Variants in IFRD2 observed in about 807,000 individuals in gnomAD.
IFRD2 encodes interferon related developmental regulator 2.
Under a neutral mutation model 49.2 loss-of-function variants are expected in IFRD2, and 35 were observed. That is an observed-to-expected ratio of 0.71 (90% CI 0.54 to 0.94). The LOEUF is 0.94. Ranked by LOEUF, IFRD2 falls within the 40% of genes least tolerant of loss-of-function variation. The pLI is 0.00. For synonymous variants in IFRD2, 275 were observed against 239.7 expected, an observed-to-expected ratio of 1.15 and a Z score of -1.36; for missense variants, 561 against 591.6, an observed-to-expected ratio of 0.95 and a Z score of 0.54.
intron 8 of IFRD2, 133 bp from the exon 9 acceptor site, chr3:50,289,070 CCT>C: frequency 7.4e-7 from 1 of 1,342,622 alleles, no homozygotes; most frequent in Non-Finnish European, 1.0e-6. Flanking sequence ...CCCTCCTTGG[CCT>C]CTGTCAGGCC....
rs1553709287 is a variant in IFRD2 at position 50,289,457 on chromosome 3, T to A, written c.769A>T (p.Ile257Phe). 6.3e-7 allele frequency: 1 copy of A among 1,579,258 alleles called. No individual in the cohort carries two copies. Among genetic ancestry groups the A allele is most frequent in the Non-Finnish European group, 8.6e-7 (1 of 1,162,422 alleles). ...GACAGCCACCCCTACCTGTCAAGGA[T>A]GTGGCTGATTTGGGTGCTAGGGCAG... ...TICPSTQISH[I>F]LDRQLPRLPQ... The change falls in exon 7 of 12, where the codon ATC becomes TTC. Residue 257 changes from isoleucine to phenylalanine, a missense_variant. Transcript: ENST00000417626.
chr3:50,291,828 G>GC (rs1701679920), intron 1 of IFRD2: 1 of 205,006 alleles, frequency 4.9e-6, no homozygotes, highest in South Asian at 1.3e-4. Flanking sequence ...TCCCAACAGA[G>GC]CCCCCTCCCT....
Position 50,290,474 on chromosome 3 carries a change from T to A in IFRD2, c.179-2A>T. On this transcript the variant is annotated splice_acceptor_variant, in intron 2 of 11. Transcript: ENST00000417626. LOFTEE classifies it high-confidence loss of function. ...CCTGCTCATCCACGACATCCCCCCCTGCAAGGCCACCTGGTCAGCACCGCT... is the reference window on the plus strand; with the variant it reads ...CCTGCTCATCCACGACATCCCCCCCAGCAAGGCCACCTGGTCAGCACCGCT... 1 of 1,579,652 alleles carries A rather than the reference T, an allele frequency of 6.3e-7. No homozygotes were observed. Among genetic ancestry groups the A allele is most frequent in the Non-Finnish European group, 8.6e-7 (1 of 1,161,672 alleles).
Position 50,289,909 on chromosome 3 carries a change from T to TG in IFRD2, c.546+19dup. 3.1e-6 allele frequency: 5 copies of TG among 1,612,172 alleles called. No individual in the cohort carries two copies. Among genetic ancestry groups the TG allele is most frequent in the Non-Finnish European group, 4.2e-6 (5 of 1,178,990 alleles). On this transcript the variant is annotated intron_variant, in intron 5 of 11. Coordinates refer to ENST00000417626, the MANE Select transcript of IFRD2 (RefSeq NM_006764.5). ...GGGATAAGGTGCAGGAAGGGTTTCA[T>TG]GGGGCACAGGCACACTCACGTGGAG...
rs782370407 is a variant in IFRD2, at chr3:50,288,869, G to C, written c.954C>G (p.Asn318Lys). The C allele has an allele frequency of 1.2e-6, 2 of 1,613,590 alleles. No homozygotes were observed. The highest frequency in any genetic ancestry group is 2.2e-5 in the South Asian group (2 of 90,980). ...SVLRTLATDS[N>K]KYRAKADRRR... ...GACGATCAGCCTTGGCACGGTACTTGTTACTGTCAGTGGCCAGAGTGCGCA... is the reference window on the plus strand; with the variant it reads ...GACGATCAGCCTTGGCACGGTACTTCTTACTGTCAGTGGCCAGAGTGCGCA... Residue 318 changes from asparagine to lysine, a missense_variant, in exon 9 of 12, where the codon AAC (asparagine) becomes AAG (lysine). Transcript: ENST00000417626.
At position 50,288,098 on chromosome 3, in the gene IFRD2, T is replaced by TGAC. The variant is rs1701590908; in HGVS notation, c.*90_*92dup. The TGAC allele has an allele frequency of 8.7e-7, 1 of 1,156,064 alleles. No homozygotes were observed. The highest frequency in any genetic ancestry group is 1.3e-6 in the Non-Finnish European group (1 of 793,832). The allele number at this position is 1,156,064 out of a possible 1,614,324, so 71.6% of individuals were successfully genotyped here. On this transcript the variant is annotated 3_prime_UTR_variant, in exon 12 of 12. Transcript: ENST00000417626. ...GGTTTTGTCATTAAAAAAAATAAAG[T>TGAC]GACAAATACTGGTGGAGACCAGTTG...
At chr3:50,289,405 C>T in intron 7 of IFRD2, 42 bp downstream of exon 7, 2 of 1,569,116 alleles carry the variant, frequency 1.3e-6, no homozygotes, top group Non-Finnish European at 1.7e-6. Flanking sequence ...TTGGGGGCCT[C>T]TTTGAGATCC....
Position 50,288,612 on chromosome 3 carries a change from G to A in IFRD2, c.1123C>T (p.Leu375=), listed in dbSNP as rs782263559. The change falls in exon 10 of 12, where the codon CTG becomes TTG. Residue 375 remains leucine (L), a synonymous_variant. Coordinates refer to ENST00000417626, the MANE Select transcript of IFRD2 (RefSeq NM_006764.5). ...HRIYAAFKEV[L]GSGMHHHLQN... ...AGGTGGTGGTGCATGCCCGAACCCAGCACTTCCTTGAAGGCAGCGTAGATC... is the reference window on the plus strand; with the variant it reads ...AGGTGGTGGTGCATGCCCGAACCCAACACTTCCTTGAAGGCAGCGTAGATC... 2.5e-6 allele frequency: 4 copies of A among 1,613,816 alleles called. No homozygotes were observed. In the African/African-American group the frequency reaches 5.3e-5, roughly 22 times the overall value.
At position 50,287,867 on chromosome 3, in the gene IFRD2, A is replaced by C. The variant is rs1701586686; in HGVS notation, c.*324T>G. 5.8e-6 allele frequency: 2 copies of C among 344,756 alleles called. No homozygotes were observed. Among genetic ancestry groups the C allele is most frequent in the Non-Finnish European group, 1.1e-5 (2 of 183,054 alleles). The allele number at this position is 344,756 out of a possible 1,614,324, so 21.4% of individuals were successfully genotyped here. A position where few individuals can be genotyped will look rare whatever the true frequency, so the allele number is the denominator to read the frequency against. Reference sequence around the variant, plus strand: ...TTTGTCCAGATGCCACCACCCCCCTAAGAGTGGGTCATCCTGGGGGAGCAA... The same window carrying C: ...TTTGTCCAGATGCCACCACCCCCCTCAGAGTGGGTCATCCTGGGGGAGCAA... On this transcript the variant is annotated 3_prime_UTR_variant, in exon 12 of 12. Transcript: ENST00000417626.
chr3:50,288,660 T>G lies in IFRD2; in HGVS notation c.1075A>C (p.Met359Leu). Residue 359 changes from methionine to leucine, a missense_variant, in exon 10 of 12, where the codon ATG (methionine) becomes CTG (leucine). Met to Leu is a conservative substitution (Grantham distance 15). Transcript: ENST00000417626. ...ATCCGGTGCCGAGCCCAGCTGTCCATGTAGAGCACCTCAAAGCCGAAGCGC... is the reference window on the plus strand; with the variant it reads ...ATCCGGTGCCGAGCCCAGCTGTCCAGGTAGAGCACCTCAAAGCCGAAGCGC... ...IVRFGFEVLY[M>L]DSWARHRIYA... is the part of the protein sequence containing the mutation. 1.2e-6 allele frequency: 2 copies of G among 1,613,220 alleles called. No individual in the cohort carries two copies. The highest frequency in any genetic ancestry group is 1.1e-5 in the South Asian group (1 of 91,056).
Position 50,288,161 on chromosome 3 carries a change from T to A in IFRD2, c.*30A>T. 2 of 1,578,768 alleles carry A rather than the reference T, an allele frequency of 1.3e-6. No individual in the cohort carries two copies. Among genetic ancestry groups the A allele is most frequent in the Non-Finnish European group, 1.7e-6 (2 of 1,149,632 alleles). Reference sequence around the variant, plus strand: ...CTGTTAAAAATACGGACCAAGGGCATAGAAAGTCTCCTCTTCAGCAGGTCC... The same window carrying A: ...CTGTTAAAAATACGGACCAAGGGCAAAGAAAGTCTCCTCTTCAGCAGGTCC... On this transcript the variant is annotated 3_prime_UTR_variant, in exon 12 of 12. Coordinates refer to ENST00000417626, the MANE Select transcript of IFRD2 (RefSeq NM_006764.5).
intron 1 of IFRD2, among the ~76,000 whole-genome samples, chr3:50,291,366 C>T (rs187826966): frequency 6.6e-6 from 1 of 152,136 alleles, no homozygotes; most frequent in African/African-American, 2.4e-5. Context: ...TTCCCTCATT[C>T]ACTCCACTGC....
chr3:50,292,196 C>A, intron 1 of IFRD2, 21 bp downstream of exon 1: 1 of 1,449,886 alleles, frequency 6.9e-7, no homozygotes, highest in South Asian at 1.5e-5. Flanking sequence ...ACAGCTGTCC[C>A]GCGCCCCCCA....
rs1206161123 is a variant in IFRD2 at position 50,288,188 on chromosome 3, G to C, written c.*3C>G. On this transcript the variant is annotated 3_prime_UTR_variant, in exon 12 of 12. Transcript: ENST00000417626. ...GAAAGTCTCCTCTTCAGCAGGTCCT[G>C]CTTCACAGGATGTCTGCCCGCTTGT... 3 of 1,612,876 alleles carry C rather than the reference G, an allele frequency of 1.9e-6. No homozygotes were observed. The highest frequency in any genetic ancestry group is 2.7e-5 in the African/African-American group (2 of 75,030).
At chr3:50,291,529 G>A (rs1701672706) in intron 1 of IFRD2, among the ~76,000 whole-genome samples, 1 of 152,056 alleles carries the variant, frequency 6.6e-6, no homozygotes, top group Admixed American at 6.5e-5. Flanking sequence ...CCTATTAGAT[G>A]TCCCCCACCC....
At chr3:50,291,973 G>A (rs1321802021) in intron 1 of IFRD2, 4 of 509,360 alleles carry the variant, frequency 7.9e-6, no homozygotes, top group South Asian at 3.1e-5. Context: ...GAGGCCCGGA[G>A]GGGCTGGCCG....
In IFRD2 at chr3:50,290,290, TG is replaced by T. The variant is rs1431682858; in HGVS notation, c.267del (p.Lys90ArgfsTer14). 1 of 1,610,772 alleles carries T rather than the reference TG, an allele frequency of 6.2e-7. No individual in the cohort carries two copies. Among genetic ancestry groups the T allele is most frequent in the Non-Finnish European group, 8.5e-7 (1 of 1,178,474 alleles). On this transcript the variant is annotated frameshift_variant, in exon 4 of 12. Transcript: ENST00000417626. LOFTEE classifies it high-confidence loss of function. The stretch of plus-strand genomic sequence containing the variant: ...CTCTCAAGAGCACCCTGCCGGGTCT[TG>T]GCACTGGGGGAGGTCGAGAAGGGGG... ...EYVDCLTDKS[A>X]KTRQGALESL...
chr3:50,289,123 G>T, intron 8 of IFRD2, 132 bp downstream of exon 8: 1 of 1,159,472 alleles, frequency 8.6e-7, no homozygotes, highest in Non-Finnish European at 1.2e-6. Flanking sequence ...ACATCTAGGA[G>T]ATAAATCTGT....
chr3:50,288,306 C>G (rs1287099987), intron 11 of IFRD2, 35 bp from the exon 12 acceptor site: 1 of 1,609,520 alleles, frequency 6.2e-7, no homozygotes, highest in Non-Finnish European at 8.5e-7. Context: ...CCCTGGGGAG[C>G]TGGGAAGGGA....
Sources: allele counts gnomAD v4.1 joint callset (sites outside exome capture counted in the v4.1 genomes callset), GRCh38; gene constraint gnomAD v4.1.1; transcripts MANE v1.5; gene names NCBI Gene and HGNC (gene_info 2026-07-23, HGNC 2026-07-21).